Variants in CDCA2 observed in about 807,000 individuals in gnomAD.
CDCA2 encodes cell division cycle associated 2.
In CDCA2, 44 loss-of-function variants were observed where a neutral mutation model predicts 67.0. The ratio of observed to expected loss-of-function variants is 0.66; its 90% CI spans 0.52 to 0.84. The LOEUF (loss-of-function observed/expected upper bound fraction) is 0.84. Among genes scored for constraint, CDCA2 ranks in the 40% least tolerant of loss-of-function variants. The pLI is 0.00. For synonymous variants in CDCA2, 447 were observed against 418.7 expected, an observed-to-expected ratio of 1.07 and a Z score of -0.82; for missense variants, 1,253 against 1,203.2, an observed-to-expected ratio of 1.04 and a Z score of -0.61.
At chr8:25,483,122 A>T (rs1803632917) in intron 8 of CDCA2, among the ~76,000 whole-genome samples, 1 of 152,198 alleles carries the variant, frequency 6.6e-6, no homozygotes, top group African/African-American at 2.4e-5. Context: ...TTTATTTGCT[A>T]GATCAAACAT....
chr8:25,493,716 G>A (rs951026157), intron 13 of CDCA2, among the ~76,000 whole-genome samples: 2 of 152,128 alleles, frequency 1.3e-5, no homozygotes, highest in African/African-American at 2.4e-5. Flanking sequence ...TTGAGATGCC[G>A]TTTCTCACCT....
At chr8:25,484,542 A>C (rs570843852) in intron 10 of CDCA2, among the ~76,000 whole-genome samples, 2 of 152,018 alleles carry the variant, frequency 1.3e-5, no homozygotes, top group Admixed American at 1.3e-4. Flanking sequence ...TAAGATATTT[A>C]AATTTTAGTT....
At chr8:25,466,971 G>A (rs891421725) in intron 5 of CDCA2, among the ~76,000 whole-genome samples, 26 of 148,224 alleles carry the variant, frequency 1.8e-4, no homozygotes, top group African/African-American at 6.2e-4. Context: ...GAACCTGGGA[G>A]GTGGAGGTTG....
intron 14 of CDCA2, among the ~76,000 whole-genome samples, chr8:25,505,497 G>A (rs1283874653): frequency 2.6e-5 from 4 of 152,094 alleles, no homozygotes; most frequent in Admixed American, 1.3e-4. Context: ...CACTGTGCTC[G>A]GCCATAAATA....
intron 11 of CDCA2, 90 bp downstream of exon 11, chr8:25,485,927 T>C: frequency 1.4e-6 from 1 of 693,550 alleles, no homozygotes; most frequent in African/African-American, 1.8e-5. Flanking sequence ...AATTTCATAT[T>C]TGTTACCACA....
At chr8:25,463,760 A>G (rs1563258627) in intron 4 of CDCA2, among the ~76,000 whole-genome samples, 2 of 152,216 alleles carry the variant, frequency 1.3e-5, no homozygotes, top group East Asian at 1.9e-4. Flanking sequence ...GAATCTTCCC[A>G]TGGCTTCCTG....
intron 7 of CDCA2, among the ~76,000 whole-genome samples, chr8:25,477,703 C>T (rs1350487159): frequency 6.6e-6 from 1 of 152,120 alleles, no homozygotes; most frequent in Admixed American, 6.5e-5. Context: ...TTGCCCGTGG[C>T]CTTTTCCCGG....
chr8:25,498,691 TG>T (rs1172178321), intron 13 of CDCA2, among the ~76,000 whole-genome samples: 1 of 152,056 alleles, frequency 6.6e-6, no homozygotes, highest in Non-Finnish European at 1.5e-5. Context: ...AGCTTTCCCA[TG>T]GCCCTTTGTA....
Position 25,483,987 on chromosome 8 carries a change from C to T in CDCA2, c.1142C>T (p.Ala381Val), listed in dbSNP as rs747478617. ...KEAEDEENFE[A>V]PAFLNMRKRK... is the part of the protein sequence containing the mutation. Reference sequence around the variant, plus strand: ...ATAGAAGATGAAGAAAATTTTGAAGCACCTGCCTTTCTAAATATGAGGAAG... The same window carrying T: ...ATAGAAGATGAAGAAAATTTTGAAGTACCTGCCTTTCTAAATATGAGGAAG... Residue 381 changes from alanine to valine, a missense_variant, in exon 10 of 15, where the codon GCA becomes GTA. Ala to Val is a moderately conservative substitution (Grantham distance 64). Coordinates refer to ENST00000330560, the MANE Select transcript of CDCA2 (RefSeq NM_152562.4). 3.1e-6 allele frequency: 5 copies of T among 1,613,502 alleles called. No homozygotes were observed. The South Asian group carries it at 3.3e-5, about 11-fold the overall frequency.
At chr8:25,471,439 T>C (rs181551981) in intron 7 of CDCA2, among the ~76,000 whole-genome samples, 2 of 152,258 alleles carry the variant, frequency 1.3e-5, no homozygotes, top group African/African-American at 4.8e-5. Context: ...CTCAGCTTAC[T>C]GCAACCTCTG....
chr8:25,504,958 T>C (rs1804619984), intron 14 of CDCA2, among the ~76,000 whole-genome samples: 1 of 152,218 alleles, frequency 6.6e-6, no homozygotes, highest in African/African-American at 2.4e-5. Flanking sequence ...AAAAGATGAT[T>C]AAACAGTGAC....
chr8:25,498,142 T>G (rs1036713837), intron 13 of CDCA2, among the ~76,000 whole-genome samples: 21 of 152,288 alleles, frequency 1.4e-4, no homozygotes, highest in African/African-American at 4.8e-4. Context: ...GGGAGAAATT[T>G]GAACTTTGAG....
intron 1 of CDCA2, 55 bp from the exon 2 acceptor site, chr8:25,460,185 A>G (rs1802622115): frequency 3.2e-6 from 5 of 1,554,360 alleles, no homozygotes; most frequent in Admixed American, 1.7e-5. Context: ...ACGTGATCGA[A>G]TCACGTTCAT....
chr8:25,507,481 A>G lies in CDCA2; in HGVS notation c.2815A>G (p.Lys939Glu), dbSNP rs774302541. Residue 939 changes from lysine (K) to glutamate (E), a missense_variant, in exon 15 of 15, where the codon AAA becomes GAA. By Grantham distance (56) the Lys-to-Glu change is moderately conservative. Coordinates refer to ENST00000330560, the MANE Select transcript of CDCA2 (RefSeq NM_152562.4). ...SSGFESMSPIKETVSSRQKPQ... is the reference protein window; with the variant it reads ...SSGFESMSPIEETVSSRQKPQ... ...TGGATTTGAAAGTATGTCTCCCATA[A>G]AAGAAACTGTGTCCTCCAGACAAAA... The G allele has an allele frequency of 1.2e-6, 2 of 1,613,856 alleles. No individual in the cohort carries two copies. The highest frequency in any genetic ancestry group is 4.5e-5 in the East Asian group (2 of 44,888).
At chr8:25,460,040 G>T (rs1802614297) in intron 1 of CDCA2, among the ~76,000 whole-genome samples, 200 bp from the exon 2 acceptor site, 1 of 152,136 alleles carries the variant, frequency 6.6e-6, no homozygotes, top group Non-Finnish European at 1.5e-5. Context: ...TTGCATGCCT[G>T]TATCAAAATA....
At chr8:25,467,155 C>CG (rs1554520319) in intron 5 of CDCA2, among the ~76,000 whole-genome samples, 3 of 143,480 alleles carry the variant, frequency 2.1e-5, no homozygotes, top group African/African-American at 5.1e-5. Context: ...TTTTTTCAGT[C>CG]TTTTTTTTTT....
intron 5 of CDCA2, 76 bp downstream of exon 5, chr8:25,466,401 T>G (rs1173196072): frequency 1.5e-6 from 2 of 1,347,546 alleles, no homozygotes; most frequent in African/African-American, 1.5e-5. Context: ...AATGATTTAG[T>G]GTGAAGCCAA....
At position 25,507,910 on chromosome 8, in the gene CDCA2, C is replaced by G. The variant is rs1165450787; in HGVS notation, c.*172C>G. 7 of 524,536 alleles carry G rather than the reference C, an allele frequency of 1.3e-5. No homozygotes were observed. Among genetic ancestry groups the G allele is most frequent in the Non-Finnish European group, 1.5e-5 (5 of 326,768 alleles). The allele number at this position is 524,536 out of a possible 1,614,324, so 32.5% of individuals were successfully genotyped here. On this transcript the variant is annotated 3_prime_UTR_variant, in exon 15 of 15. Coordinates refer to ENST00000330560, the MANE Select transcript of CDCA2 (RefSeq NM_152562.4). ...GAAATAAATAAGTTTCTTCATCATT[C>G]AGATAGAAAACATTCTATTAAATAT...
At chr8:25,481,054 A>C (rs1803548462) in intron 8 of CDCA2, among the ~76,000 whole-genome samples, 1 of 152,186 alleles carries the variant, frequency 6.6e-6, no homozygotes, top group African/African-American at 2.4e-5. Flanking sequence ...AAAAGGAACT[A>C]AATTACCTTC....
Sources: gnomAD v4.1 joint callset for allele counts (sites outside exome capture counted in the v4.1 genomes callset) on GRCh38, gnomAD v4.1.1 for gene constraint, MANE v1.5 for transcripts, NCBI Gene and HGNC (gene_info 2026-07-23, HGNC 2026-07-21) for gene names.